SRRM3: variants seen among roughly 807,000 people sequenced by gnomAD.
SRRM3 encodes serine/arginine repetitive matrix protein 3.
SRRM3 carries 27 observed loss-of-function variants against 66.2 expected under a neutral mutation model. The observed-to-expected ratio is 0.41, with a 90% CI of 0.30 to 0.56. SRRM3 has a LOEUF of 0.56. Ranked by LOEUF, SRRM3 falls within the 20% of genes least tolerant of loss-of-function variation. The probability of loss-of-function intolerance (pLI) is 0.32; values close to 1 mark genes in which losing one functional copy is unlikely to be tolerated. For synonymous variants in SRRM3, 391 were observed against 414.9 expected (o/e 0.94, Z 0.70); for missense variants, 918 against 991.9 (o/e 0.93, Z 1.00).
chr7:76,241,595 C>G (rs551871452), intron 2 of SRRM3, among the ~76,000 whole-genome samples: 1 of 152,216 alleles, frequency 6.6e-6, no homozygotes, highest in Non-Finnish European at 1.5e-5. Context: ...CCTCTGTCTC[C>G]TGGGTTCAAG....
At chr7:76,223,862 CT>C (rs1452868475) in intron 1 of SRRM3, among the ~76,000 whole-genome samples, 1 of 113,168 alleles carries the variant, frequency 8.8e-6, no homozygotes, top group Non-Finnish European at 1.8e-5. Flanking sequence ...CTTCCCTTCC[CT>C]TCCCTTCCCT....
intron 6 of SRRM3, 40 bp from the exon 7 acceptor site, chr7:76,261,312 C>T: frequency 2.7e-6 from 1 of 373,564 alleles, no homozygotes; most frequent in Non-Finnish European, 5.2e-6. Flanking sequence ...CCCCCACCCC[C>T]CACCCCAGCT....
chr7:76,264,948 A>G, intron 9 of SRRM3, 133 bp downstream of exon 9: 4 of 1,029,984 alleles, frequency 3.9e-6, no homozygotes, highest in Non-Finnish European at 5.6e-6. Flanking sequence ...TAAGATCTAG[A>G]AAGAAAGCCA....
At chr7:76,258,713 C>CAAAAAAAAAAAAAAAAAAAAAAAAA (rs201265747) in intron 3 of SRRM3, among the ~76,000 whole-genome samples, 2 of 68,224 alleles carry the variant, frequency 2.9e-5, no homozygotes, top group Non-Finnish European at 6.3e-5. Context: ...GACTCCATCT[C>CAAAAAAAAAAAAAAAAAAAAAAAAA]AAAAAAAAAA....
chr7:76,285,711 C>G lies in SRRM3; in HGVS notation c.1830C>G (p.Ser610Arg). ...SDYSTRSHSR[S>R]PSPGHSHGSY... is the part of the protein sequence containing the mutation. The stretch of plus-strand genomic sequence containing the variant: ...ACTCGACCCGGAGCCACAGCCGCAG[C>G]CCCAGCCCCGGCCACAGCCACGGGA... The change falls in exon 15 of 15, where the codon AGC becomes AGG. Residue 610 changes from serine (S) to arginine (R), a missense_variant. By Grantham distance (110) the Ser-to-Arg change is moderately radical. Coordinates refer to ENST00000611745, the MANE Select transcript of SRRM3 (RefSeq NM_001110199.3). The surrounding 1 kb of genome is among the most constrained non-coding windows in gnomAD (Gnocchi z 4.1). The G allele has an allele frequency of 6.4e-7, 1 of 1,550,900 alleles. No homozygotes were observed. Among genetic ancestry groups the G allele is most frequent in the Non-Finnish European group, 8.7e-7 (1 of 1,146,884 alleles).
intron 3 of SRRM3, among the ~76,000 whole-genome samples, chr7:76,254,266 C>T (rs1554607369): frequency 6.6e-6 from 1 of 151,880 alleles, no homozygotes; most frequent in African/African-American, 2.4e-5. Context: ...AGTGATACTC[C>T]CACTTAAGCC....
chr7:76,242,670 C>G (rs1801337542), intron 2 of SRRM3, among the ~76,000 whole-genome samples: 1 of 152,046 alleles, frequency 6.6e-6, no homozygotes, highest in Non-Finnish European at 1.5e-5. Flanking sequence ...GCTTGTTTTC[C>G]TGCAGCTAGA....
chr7:76,263,744 G>A (rs529626241), intron 8 of SRRM3, among the ~76,000 whole-genome samples: 1 of 151,896 alleles, frequency 6.6e-6, no homozygotes, highest in African/African-American at 2.4e-5. Flanking sequence ...GTGGTGGCAG[G>A]CTACTGTAAT....
chr7:76,254,010 C>CTTTA (rs377590863), intron 3 of SRRM3, among the ~76,000 whole-genome samples: 63 of 151,820 alleles, frequency 4.1e-4, no homozygotes, highest in South Asian at 1.5e-3. Flanking sequence ...CTGTGCTCAT[C>CTTTA]TTTATTTATT....
At chr7:76,267,566 C>G in intron 11 of SRRM3, 131 bp downstream of exon 11, 1 of 734,532 alleles carries the variant, frequency 1.4e-6, no homozygotes, top group East Asian at 3.7e-5. Context: ...CGCTTCCTCC[C>G]TCCTCGGCTC....
chr7:76,211,103 C>T (rs538565735), intron 1 of SRRM3, among the ~76,000 whole-genome samples: 6 of 152,332 alleles, frequency 3.9e-5, no homozygotes, highest in Admixed American at 6.5e-5. Flanking sequence ...TGAGCCACTG[C>T]GCCCAGCCAA....
intron 1 of SRRM3, among the ~76,000 whole-genome samples, chr7:76,222,558 G>A (rs1800753163): frequency 6.6e-6 from 1 of 151,820 alleles, no homozygotes; most frequent in African/African-American, 2.4e-5. Flanking sequence ...TGGGGACCTG[G>A]CCCTCCCTCC....
chr7:76,246,051 C>G (rs1801432680), intron 2 of SRRM3, among the ~76,000 whole-genome samples: 1 of 152,104 alleles, frequency 6.6e-6, no homozygotes, highest in East Asian at 1.9e-4. Flanking sequence ...CTACCTCCCC[C>G]TCACCATGTT....
intron 1 of SRRM3, among the ~76,000 whole-genome samples, chr7:76,222,122 G>T (rs1289688004): frequency 6.6e-6 from 1 of 152,162 alleles, no homozygotes; most frequent in African/African-American, 2.4e-5. Context: ...AGGGCATCAG[G>T]TTGCAAGAGA....
At position 76,284,610 on chromosome 7, in the gene SRRM3, G is replaced by A. The variant is rs1802611394; in HGVS notation, c.1734-1005G>A. Among the ~76,000 whole-genome samples the A allele has an allele frequency of 3.3e-5, 5 of 152,244 alleles. No homozygotes were observed. The South Asian group carries it at 1.0e-3, about 32-fold the overall frequency. Reference sequence around the variant, plus strand: ...CCTTCTGATGCCAACTCACCAGGCTGGGGACGCCCCCAGACAGGTCACACA... The same window carrying A: ...CCTTCTGATGCCAACTCACCAGGCTAGGGACGCCCCCAGACAGGTCACACA... On this transcript the variant is annotated intron_variant, in intron 14 of 14. Transcript: ENST00000611745.
At position 76,266,671 on chromosome 7, in the gene SRRM3, TATATATATA is replaced by T. The variant is rs1802065537; in HGVS notation, c.831-578_831-570del. On this transcript the variant is annotated intron_variant, in intron 10 of 14. Transcript: ENST00000611745. ...TATTATATATATTATTATATATATT[TATATATATA>T]ATATATATTTTGAGACGAGTATTGC... 4.5e-5 allele frequency among the ~76,000 whole-genome samples: 6 copies of T among 134,406 alleles called. No individual in the cohort carries two copies. The South Asian group carries it at 1.3e-3, about 29-fold the overall frequency. 88.2% of individuals were successfully genotyped at this position (134,406 alleles called of 152,430 possible). A position where few individuals can be genotyped will look rare whatever the true frequency, so the allele number is the denominator to read the frequency against.
At chr7:76,245,180 GT>G (rs1554606057) in intron 2 of SRRM3, among the ~76,000 whole-genome samples, 1 of 152,208 alleles carries the variant, frequency 6.6e-6, no homozygotes. Flanking sequence ...GAAAGTTAAT[GT>G]ATGAGTCAAA....
chr7:76,217,049 T>G (rs951687560), intron 1 of SRRM3, among the ~76,000 whole-genome samples: 2 of 152,172 alleles, frequency 1.3e-5, no homozygotes. Flanking sequence ...GTCACCCTCC[T>G]CAGCAGGTGG....
chr7:76,204,611 G>T (rs1198628411), intron 1 of SRRM3, among the ~76,000 whole-genome samples: 6 of 151,736 alleles, frequency 4.0e-5, no homozygotes, highest in Non-Finnish European at 7.3e-5. Flanking sequence ...GGCACTGTAG[G>T]CCAGTGAGTG....
Sources: allele counts gnomAD v4.1 joint callset (sites outside exome capture counted in the v4.1 genomes callset), GRCh38; gene constraint gnomAD v4.1.1; non-coding constraint Gnocchi (gnomAD v3.1); transcripts MANE v1.5; gene names NCBI Gene and HGNC (gene_info 2026-07-23, HGNC 2026-07-21).